The following ADGRE2 variants were observed in gnomAD, a reference collection of about 807,000 sequenced individuals.
ADGRE2 encodes the protein adhesion G protein-coupled receptor E2.
ADGRE2 carries 83 observed loss-of-function variants against 100.8 expected under a neutral mutation model. The ratio of observed to expected loss-of-function variants is 0.82; its 90% CI spans 0.69 to 0.99. ADGRE2 has a LOEUF of 0.99. Ranked by LOEUF, ADGRE2 falls within the 50% of genes least tolerant of loss-of-function variation. ADGRE2 has a pLI of 0.00. For synonymous variants in ADGRE2, 355 were observed against 413.0 expected (o/e 0.86, Z 1.70); for missense variants, 814 against 1,035.7 (o/e 0.79, Z 2.94).
chr19:14,749,297 ATG>A (rs2043188370), intron 16 of ADGRE2, among the ~76,000 whole-genome samples: 1 of 66,050 alleles, frequency 1.5e-5, no homozygotes, highest in Non-Finnish European at 3.9e-5. Flanking sequence ...ATATAATTAT[ATG>A]TAATTATATA....
the ADGRE2 span, among the ~76,000 whole-genome samples, chr19:14,725,638 C>A: frequency 1.3e-5 from 2 of 152,212 alleles, no homozygotes; most frequent in African/African-American, 4.8e-5. Context: ...AAGAAAAAGG[C>A]AACAGACCTC....
chr19:14,765,285 C>T, intron 10 of ADGRE2, 35 bp downstream of exon 10: 1 of 1,613,062 alleles, frequency 6.2e-7, no homozygotes, highest in Non-Finnish European at 8.5e-7. Flanking sequence ...AGCCACCTTC[C>T]TGCCTCGCCC....
chr19:14,736,180 A>C lies in ADGRE2; in HGVS notation c.*56T>G. 6.4e-7 allele frequency: 1 copy of C among 1,560,264 alleles called. No homozygotes were observed. Among genetic ancestry groups the C allele is most frequent in the Non-Finnish European group, 8.8e-7 (1 of 1,133,280 alleles). On this transcript the variant is annotated 3_prime_UTR_variant, in exon 21 of 21. Coordinates refer to ENST00000315576, the MANE Select transcript of ADGRE2 (RefSeq NM_013447.4). ...TTTTCTTTCCCCTCTAGATGGCTCA[A>C]AGATTGTTCAGATTTTCCACGGGCA...
chr19:14,751,401 C>T lies in ADGRE2; in HGVS notation c.2024+35G>A, dbSNP rs199986229. 17 of 1,511,260 alleles carry T rather than the reference C, an allele frequency of 1.1e-5. No individual in the cohort carries two copies. The East Asian group carries it at 1.4e-4, about 12-fold the overall frequency. 93.6% of individuals were successfully genotyped at this position (1,511,260 alleles called of 1,614,324 possible). A position where few individuals can be genotyped will look rare whatever the true frequency, so the allele number is the denominator to read the frequency against. ...GTTCTAGCAATGGCCATGGTTATGC[C>T]GGAGAAGATAAGGATTGTGAGAATT... On this transcript the variant is annotated intron_variant, in intron 16 of 20. Coordinates refer to ENST00000315576, the MANE Select transcript of ADGRE2 (RefSeq NM_013447.4).
chr19:14,724,617 T>G, the ADGRE2 span, among the ~76,000 whole-genome samples: 1 of 152,110 alleles, frequency 6.6e-6, no homozygotes, highest in East Asian at 1.9e-4. Flanking sequence ...AATACAAAAA[T>G]TAGTTGGGTG....
intron 16 of ADGRE2, among the ~76,000 whole-genome samples, chr19:14,749,105 A>G (rs1336007328): frequency 2.0e-5 from 3 of 150,904 alleles, no homozygotes; most frequent in African/African-American, 7.3e-5. Flanking sequence ...TTATATAACC[A>G]TATAATTAGC....
intron 15 of ADGRE2, among the ~76,000 whole-genome samples, chr19:14,751,928 TA>T (rs1255373205): frequency 1.3e-3 from 95 of 75,870 alleles, no homozygotes; most frequent in African/African-American, 6.8e-3. Context: ...TATATATATA[TA>T]TATTTTTTTT....
chr19:14,726,081 T>C, the ADGRE2 span, among the ~76,000 whole-genome samples: 1 of 152,228 alleles, frequency 6.6e-6, no homozygotes, highest in Non-Finnish European at 1.5e-5. Context: ...GCCTCCTTCA[T>C]GCTTGCAATC....
rs1206219443 is a variant in ADGRE2 at position 14,756,332 on chromosome 19, C to T, written c.1098G>A (p.Glu366=). ...SYPAGTELSL[E]VQKQVDRSVT... ...CACTCCTGTCTACTTGCTTCTGCACCTCCAGGGACAATTCTATGAGTTGTG... is the reference window on the plus strand; with the variant it reads ...CACTCCTGTCTACTTGCTTCTGCACTTCCAGGGACAATTCTATGAGTTGTG... The change falls in exon 12 of 21, where the codon GAG becomes GAA. Residue 366 remains glutamate, a synonymous_variant. Coordinates refer to ENST00000315576, the MANE Select transcript of ADGRE2 (RefSeq NM_013447.4). 6.2e-7 allele frequency: 1 copy of T among 1,613,404 alleles called. No individual in the cohort carries two copies. The highest frequency in any genetic ancestry group is 1.3e-5 in the African/African-American group (1 of 74,882).
At position 14,735,573 on chromosome 19, in the gene ADGRE2, A is replaced by G. The variant is rs1015126191; in HGVS notation, c.*663T>C. The G allele has an allele frequency of 5.9e-5, 9 of 152,218 alleles. No individual in the cohort carries two copies. The highest frequency in any genetic ancestry group is 1.9e-4 in the African/African-American group (8 of 41,456). 9.4% of individuals were successfully genotyped at this position (152,218 alleles called of 1,614,324 possible). A position where few individuals can be genotyped will look rare whatever the true frequency, so the allele number is the denominator to read the frequency against. On this transcript the variant is annotated 3_prime_UTR_variant, in exon 21 of 21. Transcript: ENST00000315576. ...CATGTTGGTGTGAAGACGAAAGAAGACAGTGTTTATAAAATAGTTTATACT... is the reference window on the plus strand; with the variant it reads ...CATGTTGGTGTGAAGACGAAAGAAGGCAGTGTTTATAAAATAGTTTATACT...
At chr19:14,769,229 C>T (rs2044105463) in intron 5 of ADGRE2, among the ~76,000 whole-genome samples, 1 of 150,604 alleles carries the variant, frequency 6.6e-6, no homozygotes, top group East Asian at 1.9e-4. Flanking sequence ...CCCCCCCCAT[C>T]TTTACTAATA....
In ADGRE2 at chr19:14,751,437, G is replaced by A. The variant is rs1439992779; in HGVS notation, c.2023C>T (p.Arg675Cys). Residue 675 changes from arginine to cysteine, a missense_variant and splice_region_variant, in exon 16 of 21, where the codon CGC (arginine) becomes TGC (cysteine). Physicochemically the swap from Arg to Cys is radical, Grantham distance 180. Transcript: ENST00000315576. Reference protein sequence around the residue: ...SRPHLYGTPSRCWLQPEKGFI... With the variant: ...SRPHLYGTPSCCWLQPEKGFI... Reference sequence around the variant, plus strand: ...AGGATTGTGAGAATTTGCACTAACCGGGAAGGTGTTCCATAAAGGTGAGGC... The same window carrying A: ...AGGATTGTGAGAATTTGCACTAACCAGGAAGGTGTTCCATAAAGGTGAGGC... The A allele has an allele frequency of 3.1e-6, 5 of 1,611,196 alleles. No homozygotes were observed. Among genetic ancestry groups the A allele is most frequent in the Admixed American group, 1.7e-5 (1 of 59,998 alleles).
In ADGRE2 at chr19:14,772,481, T is replaced by C. The variant is rs1227082249; in HGVS notation, c.216A>G (p.Ala72=). ...METCDDINEC[A]TLSKVSCGKF... Reference sequence around the variant, plus strand: ...TTCCGCATGACACTTTCGACAGTGTTGCACACTCGTTGATGTCTGGAACAC... The same window carrying C: ...TTCCGCATGACACTTTCGACAGTGTCGCACACTCGTTGATGTCTGGAACAC... The change falls in exon 5 of 21, where the codon GCA becomes GCG. Residue 72 remains alanine, a synonymous_variant. Transcript: ENST00000315576. 6.2e-7 allele frequency: 1 copy of C among 1,613,968 alleles called. No homozygotes were observed. The highest frequency in any genetic ancestry group is 1.3e-5 in the African/African-American group (1 of 74,970).
intron 18 of ADGRE2, among the ~76,000 whole-genome samples, chr19:14,744,555 A>G (rs2043029589): frequency 1.3e-5 from 2 of 151,732 alleles, no homozygotes; most frequent in Admixed American, 6.6e-5. Flanking sequence ...TCCCAGGTGA[A>G]GTGACTCTCC....
At position 14,778,489 on chromosome 19, in the gene ADGRE2, G is replaced by A. The variant is rs919748380; in HGVS notation, c.-404C>T. 1.5e-5 allele frequency: 14 copies of A among 927,932 alleles called. No individual in the cohort carries two copies. The highest frequency in any genetic ancestry group is 1.5e-4 in the South Asian group (3 of 20,412). 57.5% of individuals were successfully genotyped at this position (927,932 alleles called of 1,614,324 possible). ...AGGGAGGGAGAAGGGGCCCTCTTCCGATGCCAGGCAGGTGCCAAGAAGAGA... is the reference window on the plus strand; with the variant it reads ...AGGGAGGGAGAAGGGGCCCTCTTCCAATGCCAGGCAGGTGCCAAGAAGAGA... On this transcript the variant is annotated 5_prime_UTR_variant, in exon 1 of 21. Transcript: ENST00000315576.
chr19:14,729,419 T>G (rs1463827389), downstream of ADGRE2, among the ~76,000 whole-genome samples: 1 of 152,036 alleles, frequency 6.6e-6, no homozygotes, highest in Non-Finnish European at 1.5e-5. Context: ...AGTGCAGTGG[T>G]GTGGTCACAG....
the ADGRE2 span, among the ~76,000 whole-genome samples, chr19:14,725,633 A>G: frequency 6.6e-6 from 1 of 152,214 alleles, no homozygotes; most frequent in Non-Finnish European, 1.5e-5. Context: ...GCCAAAAGAA[A>G]AAGGCAACAG....
At chr19:14,773,843 G>A (rs2044314438) in intron 4 of ADGRE2, 95 bp downstream of exon 4, 1 of 1,126,926 alleles carries the variant, frequency 8.9e-7, no homozygotes, top group East Asian at 2.3e-5. Flanking sequence ...GGAAGGTAAG[G>A]CTGTGGCCCC....
chr19:14,743,377 TG>T, intron 20 of ADGRE2, 42 bp downstream of exon 20: 2 of 1,504,308 alleles, frequency 1.3e-6, no homozygotes, highest in East Asian at 2.3e-5. Flanking sequence ...GCTCCTCAGG[TG>T]GGTCGGTTAG....
Sources: gnomAD v4.1 joint callset for allele counts (sites outside exome capture counted in the v4.1 genomes callset) on GRCh38, gnomAD v4.1.1 for gene constraint, MANE v1.5 for transcripts, NCBI Gene and HGNC (gene_info 2026-07-23, HGNC 2026-07-21) for gene names.